Variants in HSD17B11 observed in about 807,000 individuals in gnomAD.
HSD17B11 encodes hydroxysteroid 17-beta dehydrogenase 11.
A neutral mutation model predicts 27.8 loss-of-function variants in HSD17B11; 22 were observed. The observed-to-expected ratio is 0.79, with a 90% CI of 0.56 to 1.13. The LOEUF is 1.13. Among genes scored for constraint, HSD17B11 ranks in the 50% most tolerant of loss-of-function variants. The probability of loss-of-function intolerance (pLI) is 0.00; values close to 1 mark genes in which losing one functional copy is unlikely to be tolerated. For missense variants in HSD17B11, 314 were observed against 351.1 expected (o/e 0.89, Z 0.84); for synonymous variants, 117 against 132.8 (o/e 0.88, Z 0.82).
chr4:87,358,028 C>G (rs1003746130), intron 4 of HSD17B11, among the ~76,000 whole-genome samples: 4 of 122,750 alleles, frequency 3.3e-5, no homozygotes, highest in African/African-American at 1.2e-4. Flanking sequence ...GTGGTGCGAT[C>G]TCGGCTCACT....
intron 5 of HSD17B11, among the ~76,000 whole-genome samples, chr4:87,355,807 G>A (rs1476084184): frequency 1.3e-5 from 2 of 152,096 alleles, no homozygotes; most frequent in African/African-American, 2.4e-5. Flanking sequence ...GGGAGGCTGA[G>A]GCACAAGAGT....
chr4:87,361,109 A>G lies in HSD17B11; in HGVS notation c.558-3693T>C, dbSNP rs540476442. Among the ~76,000 whole-genome samples, 21 of 152,340 alleles carry G rather than the reference A, an allele frequency of 1.4e-4. No individual in the cohort carries two copies. The South Asian group carries it at 2.5e-3, about 18-fold the overall frequency. ...ACCGGGCTGTATTCCCAGATGGTTAAGGCATTCTAAGTCATAAGATGACAT... is the reference window on the plus strand; with the variant it reads ...ACCGGGCTGTATTCCCAGATGGTTAGGGCATTCTAAGTCATAAGATGACAT... On this transcript the variant is annotated intron_variant, in intron 4 of 6. Coordinates refer to ENST00000358290, the MANE Select transcript of HSD17B11 (RefSeq NM_016245.5).
chr4:87,379,793 GTATAA>G (rs1316950421), intron 2 of HSD17B11, among the ~76,000 whole-genome samples: 1 of 130,322 alleles, frequency 7.7e-6, no homozygotes, highest in Non-Finnish European at 1.6e-5. Flanking sequence ...GTATATTATA[GTATAA>G]TATACTATAG....
intron 5 of HSD17B11, among the ~76,000 whole-genome samples, chr4:87,352,901 C>G (rs1252724990): frequency 3.7e-5 from 3 of 81,354 alleles, no homozygotes; most frequent in Non-Finnish European, 7.0e-5. Flanking sequence ...CGTCCGTCAC[C>G]CCTTTCTTTG....
At chr4:87,377,489 GGTAAT>G (rs1368016030) in intron 2 of HSD17B11, among the ~76,000 whole-genome samples, 1 of 151,626 alleles carries the variant, frequency 6.6e-6, no homozygotes, top group Non-Finnish European at 1.5e-5. Context: ...GACCATTACA[GGTAAT>G]GTAACTTTTT....
chr4:87,358,400 T>TCAC (rs1735433275), intron 4 of HSD17B11, among the ~76,000 whole-genome samples: 1 of 152,180 alleles, frequency 6.6e-6, no homozygotes, highest in Non-Finnish European at 1.5e-5. Context: ...AATGAATGAA[T>TCAC]CACAATGCAA....
chr4:87,378,960 ATTT>A lies in HSD17B11; in HGVS notation c.318+3292_318+3294del, dbSNP rs781211835. Among the ~76,000 whole-genome samples, 7 of 25,608 alleles carry A rather than the reference ATTT, an allele frequency of 2.7e-4. 1 individual carries two copies. Among genetic ancestry groups the A allele is most frequent in the Admixed American group, 1.3e-3 (2 of 1,564 alleles). 16.8% of individuals were successfully genotyped at this position (25,608 alleles called of 152,430 possible). A position where few individuals can be genotyped will look rare whatever the true frequency, so the allele number is the denominator to read the frequency against. On this transcript the variant is annotated intron_variant, in intron 2 of 6. Coordinates refer to ENST00000358290, the MANE Select transcript of HSD17B11 (RefSeq NM_016245.5). ...TATATATATATATTTATATATATATATTTTTTTTTTTTTTTGAGATGGTGTCTT... is the reference window on the plus strand; with the variant it reads ...TATATATATATATTTATATATATATATTTTTTTTTTTTGAGATGGTGTCTT...
At chr4:87,341,644 T>G (rs946820324) in intron 5 of HSD17B11, among the ~76,000 whole-genome samples, 5 of 152,068 alleles carry the variant, frequency 3.3e-5, no homozygotes, top group Non-Finnish European at 5.9e-5. Flanking sequence ...GTGGAGCGCT[T>G]GAGCCCAGGA....
chr4:87,390,722 TC>T, intron 1 of HSD17B11, 138 bp downstream of exon 1: 1 of 675,064 alleles, frequency 1.5e-6, no homozygotes, highest in African/African-American at 1.8e-5. Flanking sequence ...ATTCATGCCC[TC>T]CCATCTGCAA....
chr4:87,337,403 A>G, intron 6 of HSD17B11, 37 bp from the exon 7 acceptor site: 1 of 1,160,840 alleles, frequency 8.6e-7, no homozygotes, highest in Non-Finnish European at 1.3e-6. Context: ...TAGAAAATTA[A>G]TATTAAGTGC....
At chr4:87,357,867 AT>A (rs1052361951) in intron 4 of HSD17B11, among the ~76,000 whole-genome samples, 4 of 150,148 alleles carry the variant, frequency 2.7e-5, no homozygotes, top group African/African-American at 9.8e-5. Flanking sequence ...CCCAGTCTAA[AT>A]TATTTTCTCA....
Position 87,391,002 on chromosome 4 carries a change from C to CA in HSD17B11, c.68dup (p.Lys24GlufsTer6), listed in dbSNP as rs2110137494. On this transcript the variant is annotated frameshift_variant, in exon 1 of 7. Transcript: ENST00000358290. LOFTEE classifies it high-confidence loss of function. The stretch of plus-strand genomic sequence containing the variant: ...TTCTCCTCTTAGGAATAAAAAGCTT[C>CA]ACGAAGGACTCTAGGGAGCAGACGA... The CA allele has an allele frequency of 6.2e-7, 1 of 1,614,088 alleles. No homozygotes were observed. The highest frequency in any genetic ancestry group is 2.2e-5 in the East Asian group (1 of 44,892).
intron 1 of HSD17B11, chr4:87,386,834 T>C (rs6817242): frequency 0.34 from 51,863 of 152,102 alleles, 9,744 homozygotes; most frequent in African/African-American, 0.48. Flanking sequence ...TGAGCATATA[T>C]TATATGCTCA....
chr4:87,368,505 G>A (rs1735649297), intron 4 of HSD17B11, among the ~76,000 whole-genome samples: 1 of 152,108 alleles, frequency 6.6e-6, no homozygotes, highest in African/African-American at 2.4e-5. Context: ...GCAACTCTTA[G>A]GATTAAGAGT....
chr4:87,359,948 T>C (rs1006842234), intron 4 of HSD17B11, among the ~76,000 whole-genome samples: 2 of 152,128 alleles, frequency 1.3e-5, no homozygotes, highest in Non-Finnish European at 2.9e-5. Flanking sequence ...GCAACTTTTA[T>C]AAAGGAATAA....
chr4:87,388,992 C>G (rs1720386743), intron 1 of HSD17B11, among the ~76,000 whole-genome samples: 2 of 152,198 alleles, frequency 1.3e-5, no homozygotes, highest in Admixed American at 1.3e-4. Context: ...TATGCATTAT[C>G]TCATATCATA....
At chr4:87,384,420 A>G (rs1254045389) in intron 1 of HSD17B11, among the ~76,000 whole-genome samples, 1 of 152,218 alleles carries the variant, frequency 6.6e-6, no homozygotes, top group African/African-American at 2.4e-5. Flanking sequence ...GAAGACAACC[A>G]TAAGGTCTGA....
chr4:87,367,033 T>G (rs1735623406), intron 4 of HSD17B11, among the ~76,000 whole-genome samples: 1 of 152,222 alleles, frequency 6.6e-6, no homozygotes, highest in African/African-American at 2.4e-5. Context: ...TATACTCCTA[T>G]GAACAAAATT....
At chr4:87,338,228 C>T (rs1157184972) in intron 6 of HSD17B11, among the ~76,000 whole-genome samples, 1 of 151,940 alleles carries the variant, frequency 6.6e-6, no homozygotes, top group Non-Finnish European at 1.5e-5. Flanking sequence ...CACAGCACCC[C>T]CCCAAAAAAT....
Sources: allele counts gnomAD v4.1 joint callset (sites outside exome capture counted in the v4.1 genomes callset), GRCh38; gene constraint gnomAD v4.1.1; transcripts MANE v1.5; gene names NCBI Gene and HGNC (gene_info 2026-07-23, HGNC 2026-07-21).